Variants in RUFY2 observed in about 807,000 individuals in gnomAD.
The protein encoded by RUFY2 is RUN and FYVE domain containing 2, also known as RUN and FYVE domain-containing protein 2.
A neutral mutation model predicts 94.4 loss-of-function variants in RUFY2; 49 were observed. The ratio of observed to expected loss-of-function variants is 0.52; its 90% CI spans 0.41 to 0.66. RUFY2 has a LOEUF of 0.66. Among genes scored for constraint, RUFY2 ranks in the 30% least tolerant of loss-of-function variants. The pLI is 0.00. For synonymous variants in RUFY2, 255 were observed against 235.7 expected (o/e 1.08, Z -0.75); for missense variants, 541 against 692.8 (o/e 0.78, Z 2.46).
intron 13 of RUFY2, among the ~76,000 whole-genome samples, chr10:68,376,183 TG>T (rs1215797398): frequency 2.6e-5 from 4 of 151,290 alleles, no homozygotes; most frequent in African/African-American, 9.7e-5. Flanking sequence ...CCCAGCACTT[TG>T]GGAGGCCAAG....
chr10:68,348,323 T>C (rs932582275), intron 16 of RUFY2, among the ~76,000 whole-genome samples: 4 of 150,938 alleles, frequency 2.7e-5, no homozygotes, highest in African/African-American at 4.9e-5. Flanking sequence ...CTGGGCAACA[T>C]AGCAAGACCC....
chr10:68,375,925 T>C (rs1370411855), intron 13 of RUFY2, among the ~76,000 whole-genome samples: 1 of 148,264 alleles, frequency 6.7e-6, no homozygotes, highest in African/African-American at 2.5e-5. Context: ...TCATGAAACT[T>C]TGTCTCTAAT....
At position 68,407,048 on chromosome 10, in the gene RUFY2, C is replaced by T. The variant is rs779376885; in HGVS notation, c.4+138G>A. 1,194 of 1,471,886 alleles carry T rather than the reference C, an allele frequency of 8.1e-4. 2 individuals carry two copies. Among genetic ancestry groups the T allele is most frequent in the Non-Finnish European group, 1.0e-3 (1,114 of 1,115,714 alleles). The allele number at this position is 1,471,886 out of a possible 1,614,324, so 91.2% of individuals were successfully genotyped here. ...GGGAGCCCCCGAGTCCCAGGCAGTC[C>T]CCGCCCATCCTGGGTTCGGGCCCCA... On this transcript the variant is annotated intron_variant, in intron 1 of 17. Transcript: ENST00000602465.
In RUFY2 at chr10:68,383,230, T is replaced by C. The variant is rs1005262797; in HGVS notation, c.939+568A>G. Reference sequence around the variant, plus strand: ...GTCCCAGCTACTTGGGAGGCTGAGGTACAAGAATTGCTTAAACCTGGAAGG... The same window carrying C: ...GTCCCAGCTACTTGGGAGGCTGAGGCACAAGAATTGCTTAAACCTGGAAGG... On this transcript the variant is annotated intron_variant, in intron 10 of 17. Transcript: ENST00000602465. Among the ~76,000 whole-genome samples, 4 of 151,834 alleles carry C rather than the reference T, an allele frequency of 2.6e-5. No homozygotes were observed. The South Asian group carries it at 8.3e-4, about 32-fold the overall frequency.
intron 11 of RUFY2, among the ~76,000 whole-genome samples, chr10:68,380,279 T>C (rs1312542754): frequency 6.6e-6 from 1 of 151,992 alleles, no homozygotes; most frequent in Non-Finnish European, 1.5e-5. Context: ...CCGGGTGCAG[T>C]GGCTCTTTGG....
chr10:68,387,265 G>A (rs2049577384), intron 7 of RUFY2, among the ~76,000 whole-genome samples: 1 of 152,052 alleles, frequency 6.6e-6, no homozygotes, highest in Non-Finnish European at 1.5e-5. Flanking sequence ...GCTGAGGCAG[G>A]AGAATCACTT....
chr10:68,391,249 T>A (rs987967281), intron 7 of RUFY2, among the ~76,000 whole-genome samples: 2 of 152,130 alleles, frequency 1.3e-5, no homozygotes, highest in African/African-American at 4.8e-5. Flanking sequence ...AATTTTTATA[T>A]TGATTGCATG....
In RUFY2 at chr10:68,363,481, A is replaced by C. The variant is rs2047599923; in HGVS notation, c.1550+109T>G. ...AGGCGTGAACCACCGCGCCCGGCCT[A>C]GTTCGTATCTTTCCTATATTTAAAC... is the stretch of plus-strand genomic sequence containing the variant. On this transcript the variant is annotated intron_variant, in intron 15 of 17. Coordinates refer to ENST00000602465, the MANE Select transcript of RUFY2 (RefSeq NM_001330103.2). 4.4e-6 allele frequency: 3 copies of C among 675,398 alleles called. No individual in the cohort carries two copies. The East Asian group carries it at 8.8e-5, about 20-fold the overall frequency. 41.8% of individuals were successfully genotyped at this position (675,398 alleles called of 1,614,324 possible).
At chr10:68,352,333 C>T (rs979074777) in intron 16 of RUFY2, among the ~76,000 whole-genome samples, 2 of 151,800 alleles carry the variant, frequency 1.3e-5, no homozygotes, top group African/African-American at 4.8e-5. Context: ...GATGTGTTGC[C>T]GAAAATAAGG....
chr10:68,359,826 ACT>A (rs1342947106), intron 15 of RUFY2, among the ~76,000 whole-genome samples: 3 of 151,200 alleles, frequency 2.0e-5, no homozygotes, highest in Admixed American at 1.3e-4. Flanking sequence ...GGCTTTAAAC[ACT>A]GACTATTCTT....
At chr10:68,382,329 T>C (rs2049128532) in intron 10 of RUFY2, among the ~76,000 whole-genome samples, 1 of 151,880 alleles carries the variant, frequency 6.6e-6, no homozygotes, top group South Asian at 2.1e-4. Context: ...GTGCTGGGAT[T>C]ACAGGCGTGA....
intron 1 of RUFY2, 104 bp downstream of exon 1, chr10:68,407,082 T>G: frequency 6.7e-7 from 1 of 1,496,954 alleles, no homozygotes; most frequent in Non-Finnish European, 8.8e-7. Flanking sequence ...CAGTTCCGAC[T>G]GGCGGCCTCG....
intron 16 of RUFY2, among the ~76,000 whole-genome samples, chr10:68,352,804 C>T (rs1199721197): frequency 2.0e-5 from 3 of 151,988 alleles, no homozygotes; most frequent in Non-Finnish European, 2.9e-5. Flanking sequence ...CCTGTAATCT[C>T]AGCTACTTGG....
chr10:68,387,720 A>T (rs1300813717), intron 7 of RUFY2, among the ~76,000 whole-genome samples: 1 of 134,728 alleles, frequency 7.4e-6, no homozygotes, highest in Non-Finnish European at 1.6e-5. Flanking sequence ...AAGTTGTAAA[A>T]CCAGCCAGGC....
chr10:68,356,156 C>T (rs2047042171), intron 15 of RUFY2, among the ~76,000 whole-genome samples: 1 of 152,036 alleles, frequency 6.6e-6, no homozygotes, highest in Admixed American at 6.6e-5. Context: ...CCAAAGGGCA[C>T]ATGCTAACCA....
intron 1 of RUFY2, among the ~76,000 whole-genome samples, chr10:68,406,435 C>T (rs993107109): frequency 6.6e-6 from 1 of 152,154 alleles, no homozygotes; most frequent in Non-Finnish European, 1.5e-5. Context: ...TAACACAGCC[C>T]ATCATAATTC....
intron 11 of RUFY2, 36 bp from the exon 12 acceptor site, chr10:68,379,557 TTGTGTGTGTGTGTTTGTGTGTGTG>T (rs773210163): frequency 4.1e-6 from 6 of 1,470,766 alleles, no homozygotes; most frequent in Non-Finnish European, 5.7e-6. Context: ...TGGTTTTGAT[TTGTGTGTGTGTGTTTGTGTGTGTG>T]TGTGTGTGCG....
intron 13 of RUFY2, among the ~76,000 whole-genome samples, chr10:68,369,711 T>C (rs961246616): frequency 6.7e-6 from 1 of 148,972 alleles, no homozygotes; most frequent in African/African-American, 2.5e-5. Flanking sequence ...CACTTGAGTC[T>C]AGGAGTTCAA....
intron 7 of RUFY2, among the ~76,000 whole-genome samples, chr10:68,387,582 T>G (rs551907789): frequency 2.6e-5 from 4 of 152,326 alleles, no homozygotes; most frequent in Non-Finnish European, 4.4e-5. Context: ...TAATCATTCT[T>G]AGGTAGACAA....
Sources: allele counts gnomAD v4.1 joint callset (sites outside exome capture counted in the v4.1 genomes callset), GRCh38; gene constraint gnomAD v4.1.1; transcripts MANE v1.5; gene names NCBI Gene and HGNC (gene_info 2026-07-23, HGNC 2026-07-21).